The following C3orf22 variants were observed in gnomAD, a reference collection of about 807,000 sequenced individuals.
C3orf22 encodes uncharacterized protein C3orf22.
In C3orf22, 7 loss-of-function variants were observed where a neutral mutation model predicts 10.8. The observed-to-expected ratio is 0.65, with a 90% CI of 0.37 to 1.22. The LOEUF (loss-of-function observed/expected upper bound fraction) is 1.22, where lower values mean the gene tolerates loss of function less well. Among genes scored for constraint, C3orf22 ranks in the 50% most tolerant of loss-of-function variants. The pLI is 0.02. For synonymous variants in C3orf22, 79 were observed against 78.9 expected, an observed-to-expected ratio of 1.00 and a Z score of 0.00; for missense variants, 173 against 177.0, an observed-to-expected ratio of 0.98 and a Z score of 0.13.
chr3:126,532,724 T>C (rs1217648014), intron 4 of C3orf22, among the ~76,000 whole-genome samples: 1 of 152,236 alleles, frequency 6.6e-6, no homozygotes, highest in Non-Finnish European at 1.5e-5. Context: ...TTTGTTCTTT[T>C]TTGAGATTCT....
chr3:126,546,537 C>T (rs887449240), downstream of C3orf22, among the ~76,000 whole-genome samples: 1 of 152,072 alleles, frequency 6.6e-6, no homozygotes, highest in Non-Finnish European at 1.5e-5. Flanking sequence ...TAAGCAGAGC[C>T]ACTGGAGAGT....
At chr3:126,542,455 C>CGACCTGGCACCGG in intron 4 of C3orf22, 1 of 1,569,376 alleles carries the variant, frequency 6.4e-7, no homozygotes, top group Non-Finnish European at 8.6e-7. Flanking sequence ...CCGCCTCCCG[C>CGACCTGGCACCGG]GACCTGGCAG....
At chr3:126,546,800 C>T (rs1937077227), downstream of C3orf22, among the ~76,000 whole-genome samples, 4 of 152,270 alleles carry the variant, frequency 2.6e-5, no homozygotes, top group South Asian at 4.1e-4. Context: ...TGTCTGGTTC[C>T]GTCCCTTCCC....
intron 5 of C3orf22, chr3:126,527,897 C>G (rs1471883408): frequency 6.6e-6 from 1 of 152,006 alleles, no homozygotes; most frequent in Non-Finnish European, 1.5e-5. Context: ...AAGAAAAGAT[C>G]AAGAGAGAGG....
chr3:126,546,813 T>TCTC (rs1284290231), downstream of C3orf22, among the ~76,000 whole-genome samples: 1 of 152,140 alleles, frequency 6.6e-6, no homozygotes, highest in African/African-American at 2.4e-5. Flanking sequence ...CCCTTCCCTG[T>TCTC]CTCCTCCCTA....
In C3orf22 at chr3:126,553,297, C is replaced by T. The variant is rs528765379; in HGVS notation, c.89+5G>A. ...CTTGTCTCCAGAGGTGTCAGCCTCCCGCACCTGTACGGAAACTTCTTGGCA... is the reference window on the plus strand; with the variant it reads ...CTTGTCTCCAGAGGTGTCAGCCTCCTGCACCTGTACGGAAACTTCTTGGCA... On this transcript the variant is annotated splice_donor_5th_base_variant and intron_variant, in intron 2 of 3. Coordinates refer to ENST00000318225, the MANE Select transcript of C3orf22 (RefSeq NM_152533.3). The T allele has an allele frequency of 1.7e-5, 27 of 1,608,392 alleles. No individual in the cohort carries two copies. The South Asian group carries it at 2.0e-4, about 12-fold the overall frequency.
chr3:126,542,709 G>C, intron 4 of C3orf22: 1 of 1,312,994 alleles, frequency 7.6e-7, no homozygotes, highest in Non-Finnish European at 9.8e-7. Flanking sequence ...CGCCGGGCCA[G>C]CGGGCGCAGG....
In C3orf22 at chr3:126,549,952, G is replaced by C; in HGVS notation, c.342C>G (p.Leu114=). 2 of 1,614,120 alleles carry C rather than the reference G, an allele frequency of 1.2e-6. No individual in the cohort carries two copies. The highest frequency in any genetic ancestry group is 1.7e-6 in the Non-Finnish European group (2 of 1,180,034). The change falls in exon 4 of 4, where the codon CTC becomes CTG. Residue 114 remains leucine (L), a synonymous_variant. Coordinates refer to ENST00000318225, the MANE Select transcript of C3orf22 (RefSeq NM_152533.3). The stretch of plus-strand genomic sequence containing the variant: ...TGTGCCGGGTGGACAGCAGGAAGGC[G>C]AGTTGTCTGGGGAAGCGGCGACTCA... ...KLLSRRFPRQ[L]AFLLSTRHTE...
chr3:126,534,369 A>G (rs1936719018), intron 4 of C3orf22, among the ~76,000 whole-genome samples: 1 of 151,874 alleles, frequency 6.6e-6, no homozygotes, highest in African/African-American at 2.4e-5. Context: ...TAGTTCTAGG[A>G]AAACTGAGCA....
intron 4 of C3orf22, among the ~76,000 whole-genome samples, chr3:126,530,837 T>G (rs116382735): frequency 0.016 from 2,404 of 152,326 alleles, 27 homozygotes; most frequent in African/African-American, 0.024. Context: ...GAGACACAGG[T>G]GGCCCTGAAC....
chr3:126,541,704 C>T (rs1019645443), intron 4 of C3orf22: 56 of 1,414,606 alleles, frequency 4.0e-5, no homozygotes, highest in Non-Finnish European at 5.1e-5. Context: ...CCTGACGCGT[C>T]CCCCTGTCCC....
downstream of C3orf22, among the ~76,000 whole-genome samples, chr3:126,547,571 C>T (rs1464222453): frequency 6.6e-6 from 1 of 152,240 alleles, no homozygotes; most frequent in African/African-American, 2.4e-5. Context: ...CCACCACCAG[C>T]TTTGCTATCA....
exon 5 of C3orf22, chr3:126,529,227 G>A (rs541092043): frequency 2.9e-5 from 28 of 965,064 alleles, no homozygotes; most frequent in East Asian, 6.1e-5. Flanking sequence ...TGTTTCACCC[G>A]GTATCTTGAT....
At chr3:126,557,697 C>T (rs1251891852) in intron 1 of C3orf22, among the ~76,000 whole-genome samples, 3 of 152,258 alleles carry the variant, frequency 2.0e-5, no homozygotes, top group African/African-American at 7.2e-5. Flanking sequence ...CCATCTCTGA[C>T]TCTGGAAGAT....
At chr3:126,542,745 G>C (rs1936999250) in intron 4 of C3orf22, 1 of 1,087,366 alleles carries the variant, frequency 9.2e-7, no homozygotes, top group African/African-American at 1.7e-5. Flanking sequence ...CTTGGGGGCA[G>C]CCCATCTCAG....
At chr3:126,539,754 ACTCCACAC>A (rs1936894726) in intron 4 of C3orf22, among the ~76,000 whole-genome samples, 4 of 76,448 alleles carry the variant, frequency 5.2e-5, no homozygotes, top group Non-Finnish European at 7.5e-5. Flanking sequence ...CACACCACAC[ACTCCACAC>A]CACACACACA....
chr3:126,556,079 G>A (rs1559756161), intron 1 of C3orf22, among the ~76,000 whole-genome samples: 1 of 152,228 alleles, frequency 6.6e-6, no homozygotes, highest in Non-Finnish European at 1.5e-5. Context: ...CTGCTTTGGT[G>A]GGGATGCCCC....
chr3:126,548,453 G>C (rs537106943), downstream of C3orf22, among the ~76,000 whole-genome samples: 18 of 152,346 alleles, frequency 1.2e-4, no homozygotes, highest in South Asian at 3.7e-3. Context: ...ATGCGTTGCT[G>C]TATTTTGCTT....
In C3orf22 at chr3:126,541,937, G is replaced by A. The variant is rs776579439; in HGVS notation, c.286+7600C>T. 1 of 1,591,502 alleles carries A rather than the reference G, an allele frequency of 6.3e-7. No individual in the cohort carries two copies. The highest frequency in any genetic ancestry group is 1.1e-5 in the South Asian group (1 of 88,256). ...GAAGCGCGTGCTGCTGGCGCTGAGC[G>A]GCCAAGCCCGCGGCGACCCGCGCGC... On this transcript the variant is annotated intron_variant and NMD_transcript_variant, in intron 4 of 5. Coordinates refer to the C3orf22 transcript ENST00000505070.
Sources: allele counts gnomAD v4.1 joint callset (sites outside exome capture counted in the v4.1 genomes callset), GRCh38; gene constraint gnomAD v4.1.1; transcripts MANE v1.5; gene names NCBI Gene and HGNC (gene_info 2026-07-23, HGNC 2026-07-21).